The following KIAA1217 variants were observed in gnomAD, a reference collection of about 807,000 sequenced individuals.
KIAA1217 encodes KIAA1217, also known as sickle tail protein homolog.
KIAA1217 carries 88 observed loss-of-function variants against 163.9 expected under a neutral mutation model. The ratio of observed to expected loss-of-function variants is 0.54; its 90% CI spans 0.45 to 0.64. The LOEUF (loss-of-function observed/expected upper bound fraction) is 0.64, where lower values mean the gene tolerates loss of function less well. Ranked by LOEUF, KIAA1217 falls within the 30% of genes least tolerant of loss-of-function variation. The probability of loss-of-function intolerance (pLI) is 0.00; values close to 1 mark genes in which losing one functional copy is unlikely to be tolerated. For synonymous variants in KIAA1217, 903 were observed against 923.1 expected (o/e 0.98, Z 0.39); for missense variants, 2,372 against 2,475.0 (o/e 0.96, Z 0.88).
Position 23,820,475 on chromosome 10 carries a change from G to A in KIAA1217, c.-321+125241G>A, listed in dbSNP as rs546189700. On this transcript the variant is annotated intron_variant, in intron 1 of 18. Transcript: ENST00000376462. ...CTTTTAAAGCTATATATCCATGAGG[G>A]CAAAATATTCTATTGTTCACTGAAT... is the stretch of plus-strand genomic sequence containing the variant. Among the ~76,000 whole-genome samples, 19 of 152,210 alleles carry A rather than the reference G, an allele frequency of 1.2e-4. No homozygotes were observed. The South Asian group carries it at 2.1e-3, about 17-fold the overall frequency.
chr10:24,393,973 CAT>C (rs2055357423), intron 3 of KIAA1217, among the ~76,000 whole-genome samples: 1 of 152,230 alleles, frequency 6.6e-6, no homozygotes, highest in South Asian at 2.1e-4. Flanking sequence ...TTGTCACAAA[CAT>C]ATTGTGTGTC....
intron 1 of KIAA1217, among the ~76,000 whole-genome samples, chr10:23,828,992 A>T (rs925075169): frequency 6.6e-6 from 1 of 152,194 alleles, no homozygotes; most frequent in Non-Finnish European, 1.5e-5. Flanking sequence ...AGGAAAAAAG[A>T]TATTACCCTC....
chr10:24,435,316 A>G (rs765830153), intron 4 of KIAA1217, among the ~76,000 whole-genome samples: 1 of 152,266 alleles, frequency 6.6e-6, no homozygotes, highest in African/African-American at 2.4e-5. Flanking sequence ...TGTCACCAAA[A>G]GAAATTTTTT....
intron 2 of KIAA1217, among the ~76,000 whole-genome samples, chr10:24,357,459 C>T (rs1278005093): frequency 2.0e-5 from 3 of 152,072 alleles, no homozygotes; most frequent in Non-Finnish European, 2.9e-5. Flanking sequence ...AGCAAGGCCC[C>T]TTTGGACTAG....
intron 1 of KIAA1217, among the ~76,000 whole-genome samples, chr10:23,970,463 G>A (rs773999659): frequency 2.0e-5 from 3 of 152,214 alleles, no homozygotes; most frequent in Non-Finnish European, 4.4e-5. Flanking sequence ...GAGTAGAGCA[G>A]TGGTTACCAG....
At chr10:23,803,102 C>T (rs770106883) in intron 1 of KIAA1217, among the ~76,000 whole-genome samples, 4 of 152,158 alleles carry the variant, frequency 2.6e-5, no homozygotes, top group Non-Finnish European at 4.4e-5. Flanking sequence ...TGATCAAGGA[C>T]ACTTTTCCAT....
chr10:24,403,998 C>T (rs1564621651), intron 3 of KIAA1217, among the ~76,000 whole-genome samples: 3 of 152,020 alleles, frequency 2.0e-5, no homozygotes, highest in South Asian at 2.1e-4. Flanking sequence ...CCTCTGTTGC[C>T]CAGGTTGGAG....
chr10:24,253,736 G>C (rs1458851600), intron 2 of KIAA1217, among the ~76,000 whole-genome samples: 2 of 133,920 alleles, frequency 1.5e-5, no homozygotes, highest in Non-Finnish European at 3.3e-5. Context: ...TGTCTCCAAA[G>C]AAAAAAAAAA....
upstream of KIAA1217, among the ~76,000 whole-genome samples, chr10:24,207,786 T>C (rs2067646846): frequency 6.6e-6 from 1 of 152,220 alleles, no homozygotes; most frequent in African/African-American, 2.4e-5. Context: ...CCTACATCCT[T>C]TGTCTGTTAG....
chr10:23,845,331 G>A (rs1309585316), intron 1 of KIAA1217, among the ~76,000 whole-genome samples: 2 of 152,148 alleles, frequency 1.3e-5, no homozygotes, highest in Non-Finnish European at 2.9e-5. Context: ...CACAATGGTT[G>A]AACTAATTTA....
chr10:23,886,092 C>T (rs984530844), intron 1 of KIAA1217, among the ~76,000 whole-genome samples: 20 of 151,714 alleles, frequency 1.3e-4, no homozygotes, highest in South Asian at 2.1e-4. Flanking sequence ...CCTTCAGTGC[C>T]GAGGGTGGCT....
intron 2 of KIAA1217, among the ~76,000 whole-genome samples, chr10:24,172,918 A>G (rs1013428543): frequency 2.6e-5 from 4 of 152,190 alleles, no homozygotes; most frequent in African/African-American, 7.2e-5. Flanking sequence ...ACCCAGAATT[A>G]TAAGTTTCAA....
At chr10:24,232,877 A>C (rs1333103707) in intron 2 of KIAA1217, among the ~76,000 whole-genome samples, 1 of 121,106 alleles carries the variant, frequency 8.3e-6, no homozygotes. Flanking sequence ...GCACTTTGGG[A>C]GGCTGAGGCA....
chr10:24,376,470 T>C (rs563130265), intron 2 of KIAA1217, among the ~76,000 whole-genome samples: 4 of 152,278 alleles, frequency 2.6e-5, no homozygotes, highest in African/African-American at 9.6e-5. Context: ...CCTGGTTAAA[T>C]AAAAATTTTA....
intron 2 of KIAA1217, among the ~76,000 whole-genome samples, chr10:24,238,639 A>G (rs2072618202): frequency 6.6e-6 from 1 of 152,204 alleles, no homozygotes. Flanking sequence ...ACACTCTGGC[A>G]GGGAACCTGT....
intron 2 of KIAA1217, among the ~76,000 whole-genome samples, chr10:24,166,279 C>T (rs1157445238): frequency 1.3e-5 from 2 of 151,980 alleles, no homozygotes; most frequent in Non-Finnish European, 2.9e-5. Flanking sequence ...AAGGCATTTC[C>T]TGTGGCTGTT....
At chr10:24,143,290 A>G (rs1422123166) in intron 2 of KIAA1217, among the ~76,000 whole-genome samples, 3 of 152,076 alleles carry the variant, frequency 2.0e-5, no homozygotes, top group Admixed American at 6.5e-5. Flanking sequence ...TTTGAGATGG[A>G]GTCTCGCTCC....
intron 2 of KIAA1217, among the ~76,000 whole-genome samples, chr10:24,234,915 G>T (rs1386956623): frequency 6.6e-6 from 1 of 152,114 alleles, no homozygotes; most frequent in Non-Finnish European, 1.5e-5. Context: ...AGCTGTATCT[G>T]AAATGACAGT....
At chr10:23,797,834 T>C (rs927177592) in intron 1 of KIAA1217, among the ~76,000 whole-genome samples, 1 of 152,162 alleles carries the variant, frequency 6.6e-6, no homozygotes, top group Admixed American at 6.5e-5. Flanking sequence ...CAAACCATAT[T>C]ATTCCATTAT....
Sources: gnomAD v4.1 joint callset for allele counts (sites outside exome capture counted in the v4.1 genomes callset) on GRCh38, gnomAD v4.1.1 for gene constraint, MANE v1.5 for transcripts, NCBI Gene and HGNC (gene_info 2026-07-23, HGNC 2026-07-21) for gene names.